The following YY1AP1 variants were observed in gnomAD, a reference collection of about 807,000 sequenced individuals.
YY1AP1 encodes the protein YY1-associated protein 1.
YY1AP1 carries 43 observed loss-of-function variants against 39.9 expected under a neutral mutation model. The ratio of observed to expected loss-of-function variants is 1.08; its 90% CI spans 0.84 to 1.39. The LOEUF (loss-of-function observed/expected upper bound fraction) is 1.39, where lower values mean the gene tolerates loss of function less well. YY1AP1 is among the 40% of genes most tolerant of loss of function. The probability of loss-of-function intolerance (pLI) is 0.00; values close to 1 mark genes in which losing one functional copy is unlikely to be tolerated. For synonymous variants in YY1AP1, 292 were observed against 331.3 expected (o/e 0.88, Z 1.29); for missense variants, 813 against 900.7 (o/e 0.90, Z 1.25).
At chr1:155,681,909 T>C (rs371673851) in intron 2 of YY1AP1, among the ~76,000 whole-genome samples, 11 of 150,812 alleles carry the variant, frequency 7.3e-5, no homozygotes, top group African/African-American at 2.2e-4. Context: ...GGTCTTGAAC[T>C]CCTGGGCTCC....
Position 155,672,356 on chromosome 1 carries a change from C to T in YY1AP1, c.583+204G>A. 4 of 813,530 alleles carry T rather than the reference C, an allele frequency of 4.9e-6. No individual in the cohort carries two copies. The South Asian group carries it at 6.4e-5, about 13-fold the overall frequency. The allele number at this position is 813,530 out of a possible 1,614,324, so 50.4% of individuals were successfully genotyped here. On this transcript the variant is annotated intron_variant, in intron 7 of 10. Transcript: ENST00000355499. ...TCCTATACTGTCCACTGCCTCCATG[C>T]CTTACCCAGGCCCGGAGATTATCAT...
intron 3 of YY1AP1, 69 bp downstream of exon 3, chr1:155,680,347 A>C: frequency 6.4e-7 from 1 of 1,568,896 alleles, no homozygotes; most frequent in Non-Finnish European, 8.8e-7. Context: ...CATCACAGAG[A>C]TCAAAGGACA....
chr1:155,668,260 C>T (rs1649333104), intron 9 of YY1AP1, among the ~76,000 whole-genome samples: 1 of 151,800 alleles, frequency 6.6e-6, no homozygotes, highest in Non-Finnish European at 1.5e-5. Context: ...AAGATCATGC[C>T]ACTATACTCC....
chr1:155,678,606 T>C (rs1449452887), intron 4 of YY1AP1, among the ~76,000 whole-genome samples: 1 of 152,198 alleles, frequency 6.6e-6, no homozygotes, highest in African/African-American at 2.4e-5. Context: ...ATATTTGTTG[T>C]AATGGAGAAT....
At chr1:155,665,843 A>AT (rs1226676874) in intron 9 of YY1AP1, among the ~76,000 whole-genome samples, 16 of 151,932 alleles carry the variant, frequency 1.1e-4, no homozygotes, top group African/African-American at 3.6e-4. Context: ...AATTCAGGAA[A>AT]TAAGAGGATC....
chr1:155,685,947 G>A (rs1166759626), intron 2 of YY1AP1, among the ~76,000 whole-genome samples: 3 of 150,666 alleles, frequency 2.0e-5, no homozygotes, highest in Admixed American at 6.6e-5. Flanking sequence ...GAAGAATACA[G>A]CTAAGTTGGC....
intron 2 of YY1AP1, among the ~76,000 whole-genome samples, chr1:155,686,316 A>C (rs536602656): frequency 6.6e-6 from 1 of 152,208 alleles, no homozygotes; most frequent in Non-Finnish European, 1.5e-5. Context: ...TCGGCCTCCC[A>C]AAGTGCTGGG....
At position 155,668,773 on chromosome 1, in the gene YY1AP1, A is replaced by G. The variant is rs943451825; in HGVS notation, c.733T>C (p.Leu245=). ...ILFTKAEDNL[L]ALGLKHFEGT... ...TCAAAATGCTTCAGTCCTAAAGCTAACAAACTGAGAAAGGAGCAATAACAC... is the reference window on the plus strand; with the variant it reads ...TCAAAATGCTTCAGTCCTAAAGCTAGCAAACTGAGAAAGGAGCAATAACAC... The change falls in exon 9 of 11, where the codon TTA becomes CTA. Residue 245 remains leucine, a synonymous_variant. Transcript: ENST00000355499. 6.2e-7 allele frequency: 1 copy of G among 1,614,174 alleles called. No homozygotes were observed. The highest frequency in any genetic ancestry group is 8.5e-7 in the Non-Finnish European group (1 of 1,180,030).
intron 2 of YY1AP1, among the ~76,000 whole-genome samples, chr1:155,682,214 G>C (rs1470457831): frequency 6.6e-6 from 1 of 151,972 alleles, no homozygotes; most frequent in African/African-American, 2.4e-5. Flanking sequence ...TGGGTAAAGA[G>C]CTTCAAATCT....
At chr1:155,683,267 G>GT (rs141558230) in intron 2 of YY1AP1, among the ~76,000 whole-genome samples, 2,135 of 152,244 alleles carry the variant, frequency 0.014, 22 homozygotes, top group Middle Eastern at 0.034. Context: ...CTGTATCTTA[G>GT]TACCTGGAAT....
intron 2 of YY1AP1, among the ~76,000 whole-genome samples, chr1:155,683,543 C>G (rs971810664): frequency 6.6e-6 from 1 of 152,052 alleles, no homozygotes; most frequent in African/African-American, 2.4e-5. Flanking sequence ...GTAAACCCAG[C>G]TGCTCAGGAC....
chr1:155,668,930 C>T (rs1477011285), intron 8 of YY1AP1, among the ~76,000 whole-genome samples, 153 bp from the exon 9 acceptor site: 2 of 152,104 alleles, frequency 1.3e-5, no homozygotes, highest in South Asian at 2.1e-4. Flanking sequence ...GTGGCGTGAT[C>T]GCAGCCCACT....
chr1:155,678,221 G>T (rs1651007666), intron 4 of YY1AP1, among the ~76,000 whole-genome samples: 1 of 152,134 alleles, frequency 6.6e-6, no homozygotes, highest in Admixed American at 6.5e-5. Flanking sequence ...GGGAGCAATA[G>T]GTATGCAGTA....
chr1:155,667,660 C>T (rs553834352), intron 9 of YY1AP1, among the ~76,000 whole-genome samples: 3 of 151,058 alleles, frequency 2.0e-5, no homozygotes, highest in South Asian at 4.2e-4. Flanking sequence ...CCCGACTCTA[C>T]TAAATACAAA....
chr1:155,669,855 C>G (rs1649582753), intron 8 of YY1AP1, among the ~76,000 whole-genome samples: 1 of 152,022 alleles, frequency 6.6e-6, no homozygotes. Flanking sequence ...CAGAGATACC[C>G]TCACCTGTAC....
At chr1:155,688,914 T>A, upstream of YY1AP1, 3 of 1,613,024 alleles carry the variant, frequency 1.9e-6, no homozygotes, top group Non-Finnish European at 2.5e-6. Context: ...GCCGGCCGAG[T>A]CCCATGACAA....
At chr1:155,669,606 T>C (rs1389826814) in intron 8 of YY1AP1, among the ~76,000 whole-genome samples, 3 of 152,134 alleles carry the variant, frequency 2.0e-5, no homozygotes, top group Non-Finnish European at 4.4e-5. Context: ...AAATGAATAA[T>C]AGGTACCCCG....
chr1:155,659,963 T>C lies in YY1AP1; in HGVS notation c.1947A>G (p.Glu649=), dbSNP rs1325906428. 3.7e-6 allele frequency: 6 copies of C among 1,614,236 alleles called. No homozygotes were observed. The highest frequency in any genetic ancestry group is 5.1e-6 in the Non-Finnish European group (6 of 1,180,050). ...TGGGTTCTAGGCCCTGAAAGGCATTTTCCCCATCAGCCACAGCACAAGCAA... is the reference window on the plus strand; with the variant it reads ...TGGGTTCTAGGCCCTGAAAGGCATTCTCCCCATCAGCCACAGCACAAGCAA... ...VDIACAVADG[E]NAFQGLEPKL... Residue 649 remains glutamate (E), a synonymous_variant, in exon 11 of 11, where the codon GAA becomes GAG. Transcript: ENST00000355499.
rs1417716825 is a variant in YY1AP1, at chr1:155,672,624, C to G, written c.519G>C (p.Leu173=). 1.9e-6 allele frequency: 3 copies of G among 1,613,600 alleles called. No homozygotes were observed. The highest frequency in any genetic ancestry group is 1.1e-5 in the South Asian group (1 of 91,066). The part of the protein sequence containing the change: ...QPCNLMGAMQ[L]IEDFSTHVSI... ...TGACATGTGTGCTGAAGTCTTCAATCAGCTGCATAGCTCCCATCAAGTTAC... is the reference window on the plus strand; with the variant it reads ...TGACATGTGTGCTGAAGTCTTCAATGAGCTGCATAGCTCCCATCAAGTTAC... Residue 173 remains leucine, a synonymous_variant, in exon 7 of 11, where the codon CTG becomes CTC. Coordinates refer to ENST00000355499, the MANE Select transcript of YY1AP1 (RefSeq NM_139119.3).
Sources: allele counts gnomAD v4.1 joint callset (sites outside exome capture counted in the v4.1 genomes callset), GRCh38; gene constraint gnomAD v4.1.1; transcripts MANE v1.5; gene names NCBI Gene and HGNC (gene_info 2026-07-23, HGNC 2026-07-21).